The following POU6F2 variants were observed in gnomAD, a reference collection of about 807,000 sequenced individuals.
The protein encoded by POU6F2 is POU domain, class 6, transcription factor 2.
In POU6F2, 31 loss-of-function variants were observed where a neutral mutation model predicts 71.3. That is an observed-to-expected ratio of 0.43 (90% confidence interval 0.33 to 0.59). The LOEUF (loss-of-function observed/expected upper bound fraction) is 0.59, where lower values mean the gene tolerates loss of function less well. POU6F2 is among the 20% of genes least tolerant of loss of function. The pLI is 0.04. For synonymous variants in POU6F2, 347 were observed against 355.7 expected (o/e 0.98, Z 0.27); for missense variants, 783 against 856.8 (o/e 0.91, Z 1.07).
chr7:39,397,814 G>GCATATATA, intron 5 of POU6F2, among the ~76,000 whole-genome samples: 2 of 128,414 alleles, frequency 1.6e-5, no homozygotes, highest in East Asian at 4.7e-4. Flanking sequence ...TATATTTTGT[G>GCATATATA]TATATATATA....
rs779558665 is a variant in POU6F2, at chr7:39,085,932, G to A, written c.178G>A (p.Gly60Ser). ...VRSEMNAELR[G>S]EDKAATSDSE... is the part of the protein sequence containing the mutation. ...GAGTGAAATGAATGCGGAGTTGAGA[G>A]GTGAGGACAAGGCTGCTACTTCAGA... is the stretch of plus-strand genomic sequence containing the variant. Residue 60 changes from glycine to serine, a missense_variant, in exon 2 of 10, where the codon GGT (glycine) becomes AGT (serine). Transcript: ENST00000518318. 6.2e-6 allele frequency: 10 copies of A among 1,613,624 alleles called. No individual in the cohort carries two copies. In the South Asian group the frequency reaches 7.7e-5, roughly 12 times the overall value.
chr7:39,011,686 G>A (rs1156518146), intron 1 of POU6F2, among the ~76,000 whole-genome samples: 2 of 151,012 alleles, frequency 1.3e-5, no homozygotes, highest in Non-Finnish European at 3.0e-5. Context: ...CATGTTTAGT[G>A]CTTCCTTCAG....
At chr7:39,449,473 T>C (rs1788604480) in intron 7 of POU6F2, among the ~76,000 whole-genome samples, 1 of 152,214 alleles carries the variant, frequency 6.6e-6, no homozygotes, top group Admixed American at 6.5e-5. Context: ...GTGGAGCAAC[T>C]GGAATTCTCA....
Position 39,030,500 on chromosome 7 carries a change from CTATATATATATATATATATATATATA to C in POU6F2, c.105+52461_105+52486del, listed in dbSNP as rs58426134. Among the ~76,000 whole-genome samples, 188 of 46,246 alleles carry C rather than the reference CTATATATATATATATATATATATATA, an allele frequency of 4.1e-3. 7 individuals are homozygous for C. The highest frequency in any genetic ancestry group is 0.035 in the East Asian group (18 of 508). 30.3% of individuals were successfully genotyped at this position (46,246 alleles called of 152,430 possible). A position where few individuals can be genotyped will look rare whatever the true frequency, so the allele number is the denominator to read the frequency against. ...TCCTGTATTGAACTTTCAAAAAATA[CTATATATATATATATATATATATATA>C]TATATATATATATATATACACACAC... is the stretch of plus-strand genomic sequence containing the variant. On this transcript the variant is annotated intron_variant, in intron 1 of 9. Transcript: ENST00000518318.
intron 3 of POU6F2, among the ~76,000 whole-genome samples, chr7:39,204,827 A>G (rs1312793920): frequency 6.6e-6 from 1 of 152,124 alleles, no homozygotes; most frequent in Non-Finnish European, 1.5e-5. Flanking sequence ...ATTATTTTTT[A>G]AAGTCCAATA....
chr7:39,336,014 G>A (rs1026964042), intron 4 of POU6F2, among the ~76,000 whole-genome samples: 1 of 152,218 alleles, frequency 6.6e-6, no homozygotes, highest in African/African-American at 2.4e-5. Context: ...ATAAAGCCAT[G>A]AAGAGCAAAG....
intron 2 of POU6F2, among the ~76,000 whole-genome samples, chr7:39,196,662 G>A (rs951687780): frequency 1.3e-5 from 2 of 152,042 alleles, no homozygotes; most frequent in Non-Finnish European, 2.9e-5. Flanking sequence ...AGGAGGCTGA[G>A]ACAGGAGAAT....
chr7:39,028,136 C>T (rs1261559974), intron 1 of POU6F2, among the ~76,000 whole-genome samples: 2 of 151,782 alleles, frequency 1.3e-5, no homozygotes, highest in African/African-American at 4.8e-5. Flanking sequence ...CCTATTTTAT[C>T]TCTGTGAAAA....
At chr7:39,345,631 G>A (rs1245705173) in intron 5 of POU6F2, among the ~76,000 whole-genome samples, 1 of 152,128 alleles carries the variant, frequency 6.6e-6, no homozygotes, top group African/African-American at 2.4e-5. Flanking sequence ...AGTAAGTTTA[G>A]TAAAAATAAT....
chr7:39,170,941 A>G (rs1326712672), intron 2 of POU6F2, among the ~76,000 whole-genome samples: 1 of 151,750 alleles, frequency 6.6e-6, no homozygotes, highest in Non-Finnish European at 1.5e-5. Context: ...TAACCCAATA[A>G]TATGTACAAC....
At chr7:39,245,254 A>AAT (rs1783800118) in intron 4 of POU6F2, among the ~76,000 whole-genome samples, 2 of 152,216 alleles carry the variant, frequency 1.3e-5, no homozygotes, top group Non-Finnish European at 2.9e-5. Flanking sequence ...AACTTATTCA[A>AAT]AAGTGAGCAG....
At chr7:39,032,002 T>C (rs1789954005) in intron 1 of POU6F2, among the ~76,000 whole-genome samples, 1 of 152,188 alleles carries the variant, frequency 6.6e-6, no homozygotes, top group Non-Finnish European at 1.5e-5. Context: ...TGAATCCGAC[T>C]TGTGAATCAG....
At chr7:39,107,463 ATGAT>A (rs1791714723) in intron 2 of POU6F2, among the ~76,000 whole-genome samples, 1 of 152,224 alleles carries the variant, frequency 6.6e-6, no homozygotes, top group Non-Finnish European at 1.5e-5. Flanking sequence ...TAACAAAAGT[ATGAT>A]GAGAAAAATA....
intron 2 of POU6F2, among the ~76,000 whole-genome samples, chr7:39,201,173 G>GA (rs1793894507): frequency 1.3e-5 from 2 of 152,198 alleles, no homozygotes; most frequent in South Asian, 4.1e-4. Flanking sequence ...TGTGAGAGGG[G>GA]TACTGTTGTT....
chr7:39,005,588 C>T (rs1053850294), intron 1 of POU6F2, among the ~76,000 whole-genome samples: 1 of 150,122 alleles, frequency 6.7e-6, no homozygotes, highest in African/African-American at 2.5e-5. Flanking sequence ...GGTTGATAGC[C>T]GCACGCTATC....
At chr7:39,408,337 G>T (rs1382894288) in intron 6 of POU6F2, among the ~76,000 whole-genome samples, 1 of 152,122 alleles carries the variant, frequency 6.6e-6, no homozygotes, top group Non-Finnish European at 1.5e-5. Context: ...TTGAATACTT[G>T]TGATGCAGAA....
chr7:39,328,002 C>G (rs1421702953), intron 4 of POU6F2, among the ~76,000 whole-genome samples: 1 of 152,154 alleles, frequency 6.6e-6, no homozygotes, highest in Admixed American at 6.5e-5. Flanking sequence ...CTCACTGCAA[C>G]CTCCGTCTCC....
At chr7:39,216,607 A>G (rs1332490735) in intron 4 of POU6F2, among the ~76,000 whole-genome samples, 5 of 152,240 alleles carry the variant, frequency 3.3e-5, no homozygotes, top group East Asian at 3.9e-4. Flanking sequence ...ATGGTTCACT[A>G]TTTGTGTTTG....
chr7:39,003,096 T>A (rs192545751), intron 1 of POU6F2, among the ~76,000 whole-genome samples: 1 of 152,220 alleles, frequency 6.6e-6, no homozygotes. Flanking sequence ...ACAAAGCAGA[T>A]TGTAGTACAT....
Sources: gnomAD v4.1 joint callset for allele counts (sites outside exome capture counted in the v4.1 genomes callset) on GRCh38, gnomAD v4.1.1 for gene constraint, MANE v1.5 for transcripts, NCBI Gene and HGNC (gene_info 2026-07-23, HGNC 2026-07-21) for gene names.